The following NIPSNAP3A variants were observed in gnomAD, a reference collection of about 807,000 sequenced individuals.
NIPSNAP3A encodes the protein protein NipSnap homolog 3A.
In NIPSNAP3A, 27 loss-of-function variants were observed where a neutral mutation model predicts 32.3. That is an observed-to-expected ratio of 0.84 (90% CI 0.62 to 1.15). The LOEUF is 1.15. Ranked by LOEUF, NIPSNAP3A falls within the 50% of genes most tolerant of loss-of-function variation. NIPSNAP3A has a pLI of 0.00. For missense variants in NIPSNAP3A, 278 were observed against 297.2 expected (o/e 0.94, Z 0.48); for synonymous variants, 108 against 107.3 (o/e 1.01, Z -0.04).
At chr9:104,752,672 A>C (rs757178642) in intron 2 of NIPSNAP3A, among the ~76,000 whole-genome samples, 4 of 152,196 alleles carry the variant, frequency 2.6e-5, no homozygotes, top group Non-Finnish European at 5.9e-5. Context: ...TATATGGTTG[A>C]GCCTATAAAG....
chr9:104,759,160 T>C lies in NIPSNAP3A; in HGVS notation c.656T>C (p.Val219Ala), dbSNP rs1210283577. The C allele has an allele frequency of 8.7e-6, 14 of 1,613,396 alleles. No individual in the cohort carries two copies. Among genetic ancestry groups the C allele is most frequent in the Non-Finnish European group, 1.1e-5 (13 of 1,179,672 alleles). Residue 219 changes from valine to alanine, a missense_variant, in exon 5 of 6, where the codon GTT becomes GCT. By Grantham distance (64) the Val-to-Ala change is moderately conservative. Transcript: ENST00000374767. ...GRHKSHEDPRVVAAVRESVNY... is the reference protein window; with the variant it reads ...GRHKSHEDPRAVAAVRESVNY... ...CATAAGTCCCATGAGGATCCCAGAG[T>C]TGTGGCAGCTGGTAAGCTGTTTGAC...
rs1366473717 is a variant in NIPSNAP3A, at chr9:104,759,319, C to T, written c.725C>T (p.Ser242Leu). Residue 242 changes from serine (S) to leucine (L), a missense_variant, in exon 6 of 6, where the codon TCG becomes TTG. Physicochemically the swap from Ser to Leu is moderately radical, Grantham distance 145. Coordinates refer to ENST00000374767, the MANE Select transcript of NIPSNAP3A (RefSeq NM_015469.3). ...CAGAATATGCTTCTGATTCCTACAT[C>T]GTTTTCACCACTGAAATAGTTTTCT... Reference protein sequence around the residue: ...SQQNMLLIPTSFSPLK With the variant: ...SQQNMLLIPTLFSPLK 2.5e-6 allele frequency: 4 copies of T among 1,613,690 alleles called. No individual in the cohort carries two copies. The highest frequency in any genetic ancestry group is 1.7e-5 in the Admixed American group (1 of 60,034).
intron 1 of NIPSNAP3A, among the ~76,000 whole-genome samples, 176 bp downstream of exon 1, chr9:104,748,028 A>G: frequency 6.6e-6 from 1 of 152,020 alleles, no homozygotes; most frequent in African/African-American, 2.4e-5. Context: ...GGTACCCGGA[A>G]CGCGCGTGAG....
intron 1 of NIPSNAP3A, 44 bp downstream of exon 1, chr9:104,747,896 G>C: frequency 6.9e-7 from 1 of 1,441,320 alleles, no homozygotes; most frequent in Non-Finnish European, 9.2e-7. Flanking sequence ...GACGGGAGGG[G>C]AGGGGCGGGG....
chr9:104,758,011 C>T (rs1488703562), intron 4 of NIPSNAP3A, among the ~76,000 whole-genome samples: 1 of 152,042 alleles, frequency 6.6e-6, no homozygotes, highest in Non-Finnish European at 1.5e-5. Context: ...TTTTAATCTG[C>T]ATTTTCCTAT....
At position 104,754,537 on chromosome 9, in the gene NIPSNAP3A, T is replaced by A. The variant is rs745681021; in HGVS notation, c.431-14T>A. 1 of 1,612,784 alleles carries A rather than the reference T, an allele frequency of 6.2e-7. No homozygotes were observed. The highest frequency in any genetic ancestry group is 1.1e-5 in the South Asian group (1 of 90,966). ...TGAATGTTTTCTGAAAAATTCTTTT[T>A]CTCCCTATTCCAGGAGTCTATGAAC... On this transcript the variant is annotated splice_polypyrimidine_tract_variant and intron_variant, in intron 3 of 5. Coordinates refer to ENST00000374767, the MANE Select transcript of NIPSNAP3A (RefSeq NM_015469.3).
At chr9:104,755,404 C>A in intron 4 of NIPSNAP3A, among the ~76,000 whole-genome samples, 1 of 151,674 alleles carries the variant, frequency 6.6e-6, no homozygotes, top group South Asian at 2.1e-4. Flanking sequence ...AATATGAAAA[C>A]CCCCCTCATA....
At chr9:104,758,128 C>G (rs1424677685) in intron 4 of NIPSNAP3A, among the ~76,000 whole-genome samples, 1 of 151,848 alleles carries the variant, frequency 6.6e-6, no homozygotes, top group African/African-American at 2.4e-5. Context: ...TGGAAATAGT[C>G]TAAATAGTCA....
chr9:104,750,598 C>A (rs558146334), intron 1 of NIPSNAP3A, among the ~76,000 whole-genome samples: 1 of 152,228 alleles, frequency 6.6e-6, no homozygotes, highest in East Asian at 1.9e-4. Flanking sequence ...CGGCTTACAC[C>A]ACATAGCCAA....
rs938078946 is a variant in NIPSNAP3A, at chr9:104,747,978, C to G, written c.60+126C>G. 182 of 917,566 alleles carry G rather than the reference C, an allele frequency of 2.0e-4. 1 individual carries two copies. Among genetic ancestry groups the G allele is most frequent in the Non-Finnish European group, 2.8e-4 (173 of 620,300 alleles). The allele number at this position is 917,566 out of a possible 1,614,324, so 56.8% of individuals were successfully genotyped here. Reference sequence around the variant, plus strand: ...CCACGCGCGCCCAGACCTGGGGCCCCGGTGAGGTTCTAGCGTGAGCCCCGG... The same window carrying G: ...CCACGCGCGCCCAGACCTGGGGCCCGGGTGAGGTTCTAGCGTGAGCCCCGG... On this transcript the variant is annotated intron_variant, in intron 1 of 5. Transcript: ENST00000374767.
chr9:104,757,548 G>A (rs1189539400), intron 4 of NIPSNAP3A, among the ~76,000 whole-genome samples: 3 of 152,094 alleles, frequency 2.0e-5, no homozygotes, highest in African/African-American at 4.8e-5. Context: ...AGTTGTCATC[G>A]AAAGTATTAT....
At position 104,747,768 on chromosome 9, in the gene NIPSNAP3A, CT is replaced by C; in HGVS notation, c.-21del. On this transcript the variant is annotated 5_prime_UTR_variant, in exon 1 of 6. Transcript: ENST00000374767. ...GTCTCAGAAAGGACACGGCTGGCTG[CT>C]TTTCTCAGCGCCGAAGCCGCGCCAT... The C allele has an allele frequency of 6.2e-7, 1 of 1,603,248 alleles. No homozygotes were observed. The highest frequency in any genetic ancestry group is 8.5e-7 in the Non-Finnish European group (1 of 1,176,312).
intron 4 of NIPSNAP3A, among the ~76,000 whole-genome samples, chr9:104,756,814 CT>C (rs34247948): frequency 0.5 from 57,218 of 114,098 alleles, 12,685 homozygotes; most frequent in Middle Eastern, 0.57. Flanking sequence ...TGTTAATATT[CT>C]TTTTTTTTTT....
At chr9:104,748,023 C>T (rs1316161990) in intron 1 of NIPSNAP3A, among the ~76,000 whole-genome samples, 171 bp downstream of exon 1, 1 of 152,212 alleles carries the variant, frequency 6.6e-6, no homozygotes, top group East Asian at 1.9e-4. Flanking sequence ...ACAGGGGTAC[C>T]CGGAACGCGC....
At position 104,759,413 on chromosome 9, in the gene NIPSNAP3A, G is replaced by A. The variant is rs1446059971; in HGVS notation, c.*75G>A. The A allele has an allele frequency of 1.8e-5, 26 of 1,435,772 alleles. No homozygotes were observed. The highest frequency in any genetic ancestry group is 2.3e-5 in the Non-Finnish European group (24 of 1,028,298). The allele number at this position is 1,435,772 out of a possible 1,614,324, so 88.9% of individuals were successfully genotyped here. A position where few individuals can be genotyped will look rare whatever the true frequency, so the allele number is the denominator to read the frequency against. On this transcript the variant is annotated 3_prime_UTR_variant, in exon 6 of 6. Coordinates refer to ENST00000374767, the MANE Select transcript of NIPSNAP3A (RefSeq NM_015469.3). The stretch of plus-strand genomic sequence containing the variant: ...GCTAATGGTGCTTAAATTCTCCCAA[G>A]AGGTTCTCACTTTTATTTGAAGGAG...
At chr9:104,754,112 T>C (rs750176581) in intron 3 of NIPSNAP3A, 2 of 155,998 alleles carry the variant, frequency 1.3e-5, no homozygotes, top group African/African-American at 2.4e-5. Context: ...TGGAAACTTA[T>C]AGGGAGAAAT....
At chr9:104,747,919 C>A in intron 1 of NIPSNAP3A, 67 bp downstream of exon 1, 1 of 1,441,272 alleles carries the variant, frequency 6.9e-7, no homozygotes, top group Non-Finnish European at 9.5e-7. Context: ...GGGAGTGTTC[C>A]GGGTACGTGC....
Position 104,759,469 on chromosome 9 carries a change from T to C in NIPSNAP3A, c.*131T>C. On this transcript the variant is annotated 3_prime_UTR_variant, in exon 6 of 6. Transcript: ENST00000374767. ...AAGTTAATTTGCTATGTTTCTTGCATTATGAAGGCTACATCTGTGCTTTGT... is the reference window on the plus strand; with the variant it reads ...AAGTTAATTTGCTATGTTTCTTGCACTATGAAGGCTACATCTGTGCTTTGT... The C allele has an allele frequency of 1.2e-6, 1 of 844,056 alleles. No individual in the cohort carries two copies. Among genetic ancestry groups the C allele is most frequent in the East Asian group, 2.6e-5 (1 of 37,800 alleles). 52.3% of individuals were successfully genotyped at this position (844,056 alleles called of 1,614,324 possible).
intron 4 of NIPSNAP3A, among the ~76,000 whole-genome samples, chr9:104,756,081 G>A (rs781569241): frequency 2.0e-5 from 3 of 152,074 alleles, no homozygotes; most frequent in African/African-American, 4.8e-5. Flanking sequence ...TCAACTTCTT[G>A]TAATAATCTA....
Sources: gnomAD v4.1 joint callset for allele counts (sites outside exome capture counted in the v4.1 genomes callset) on GRCh38, gnomAD v4.1.1 for gene constraint, MANE v1.5 for transcripts, NCBI Gene and HGNC (gene_info 2026-07-23, HGNC 2026-07-21) for gene names.